Variants in ADK observed in about 807,000 individuals in gnomAD.
ADK encodes the protein N6,N6-dimethyladenosine kinase.
Under a neutral mutation model 44.7 loss-of-function variants are expected in ADK, and 24 were observed. The observed-to-expected ratio is 0.54, with a 90% CI of 0.39 to 0.76. The LOEUF (loss-of-function observed/expected upper bound fraction) is 0.76, where lower values mean the gene tolerates loss of function less well. ADK is among the 30% of genes least tolerant of loss of function. The pLI, the probability that ADK is intolerant of heterozygous loss-of-function variation, is 0.00. For synonymous variants in ADK, 128 were observed against 142.6 expected, an observed-to-expected ratio of 0.90 and a Z score of 0.73; for missense variants, 321 against 425.1, an observed-to-expected ratio of 0.76 and a Z score of 2.15.
intron 7 of ADK, among the ~76,000 whole-genome samples, chr10:74,531,109 A>G (rs764041082): frequency 2.0e-5 from 3 of 152,208 alleles, no homozygotes; most frequent in Non-Finnish European, 4.4e-5. Context: ...CTGAGTATGA[A>G]TCAGTGCATT....
chr10:74,205,692 A>AAG (rs1843569300), intron 2 of ADK, among the ~76,000 whole-genome samples: 1 of 151,518 alleles, frequency 6.6e-6, no homozygotes, highest in African/African-American at 2.4e-5. Context: ...AAAAAAAAAA[A>AAG]AAAGAAATGT....
intron 7 of ADK, among the ~76,000 whole-genome samples, chr10:74,547,720 G>A (rs1213965762): frequency 2.0e-5 from 3 of 151,862 alleles, no homozygotes; most frequent in South Asian, 2.1e-4. Context: ...GTGCAATAGC[G>A]CCATCTTGGC....
rs1851866592 is a variant in ADK, at chr10:74,595,333, G to A, written c.763-5046G>A. 2.0e-5 allele frequency among the ~76,000 whole-genome samples: 3 copies of A among 148,830 alleles called. No homozygotes were observed. In the South Asian group the frequency reaches 6.5e-4, roughly 32 times the overall value. ...CACATTCTAACATGTTGGAAGAGGA[G>A]ATTAGATTTCAAAATGACTTTGAGA... On this transcript the variant is annotated intron_variant, in intron 8 of 10. Transcript: ENST00000539909.
chr10:74,478,515 A>G (rs540055587), intron 6 of ADK, among the ~76,000 whole-genome samples: 20 of 152,300 alleles, frequency 1.3e-4, no homozygotes, highest in African/African-American at 4.8e-4. Context: ...GAGTGACCAC[A>G]CCCAGCAATT....
At chr10:74,344,190 C>T (rs149364534) in intron 4 of ADK, among the ~76,000 whole-genome samples, 1 of 152,208 alleles carries the variant, frequency 6.6e-6, no homozygotes, top group African/African-American at 2.4e-5. Context: ...ATACTGGCCT[C>T]ATAACATGAA....
chr10:74,375,513 G>T (rs1402671884), intron 4 of ADK, among the ~76,000 whole-genome samples: 2 of 152,246 alleles, frequency 1.3e-5, no homozygotes, highest in East Asian at 3.9e-4. Flanking sequence ...ATTGTCATTT[G>T]ATTTACCTGT....
rs1388906798 is a variant in ADK, at chr10:74,519,933, G to C, written c.556-5323G>C. 9.2e-5 allele frequency among the ~76,000 whole-genome samples: 14 copies of C among 151,840 alleles called. No individual in the cohort carries two copies. In the East Asian group the frequency reaches 2.7e-3, roughly 29 times the overall value. On this transcript the variant is annotated intron_variant, in intron 6 of 10. Coordinates refer to ENST00000539909, the MANE Select transcript of ADK (RefSeq NM_006721.4). ...TTACTTTTACTATAGCAAATATTTA[G>C]ATAATACTTCCTCTGTAAGCTTCAA... is the stretch of plus-strand genomic sequence containing the variant.
intron 1 of ADK, among the ~76,000 whole-genome samples, chr10:74,196,897 A>G (rs1358360157): frequency 6.6e-6 from 1 of 152,194 alleles, no homozygotes. Context: ...TAGGTGGTCC[A>G]ACAACTTCAT....
intron 9 of ADK, among the ~76,000 whole-genome samples, chr10:74,647,033 T>A (rs1299002722): frequency 6.6e-6 from 1 of 152,186 alleles, no homozygotes; most frequent in African/African-American, 2.4e-5. Context: ...TTAAAAGGTA[T>A]TAAATTGTAT....
intron 6 of ADK, among the ~76,000 whole-genome samples, chr10:74,416,498 A>G (rs186611134): frequency 6.6e-6 from 1 of 152,054 alleles, no homozygotes; most frequent in East Asian, 1.9e-4. Flanking sequence ...GCTGCTTTTT[A>G]AAAATTTATT....
At chr10:74,294,367 A>G (rs1448683972) in intron 3 of ADK, among the ~76,000 whole-genome samples, 2 of 150,860 alleles carry the variant, frequency 1.3e-5, no homozygotes, top group Non-Finnish European at 3.0e-5. Context: ...GCTCATTGCA[A>G]CCTCCACCTC....
At chr10:74,357,486 A>G (rs997731047) in intron 4 of ADK, among the ~76,000 whole-genome samples, 1 of 143,934 alleles carries the variant, frequency 6.9e-6, no homozygotes, top group Non-Finnish European at 1.5e-5. Context: ...TTTTTTTAAG[A>G]GACAGGGTTT....
At chr10:74,341,405 A>G (rs562305580) in intron 4 of ADK, among the ~76,000 whole-genome samples, 9 of 151,674 alleles carry the variant, frequency 5.9e-5, no homozygotes, top group Middle Eastern at 3.4e-3. Context: ...GGGTGCCTGT[A>G]ATCCTAGCTA....
intron 9 of ADK, among the ~76,000 whole-genome samples, chr10:74,612,009 T>C (rs959042046): frequency 2.0e-5 from 3 of 152,204 alleles, no homozygotes; most frequent in Non-Finnish European, 4.4e-5. Context: ...GGTTGTTGGA[T>C]TGAATGGTAA....
chr10:74,608,243 A>G (rs1019074178), intron 9 of ADK, among the ~76,000 whole-genome samples: 12 of 151,780 alleles, frequency 7.9e-5, no homozygotes, highest in Non-Finnish European at 7.4e-5. Context: ...CAATTTGTCA[A>G]ACTAGTTCTC....
intron 9 of ADK, among the ~76,000 whole-genome samples, chr10:74,651,224 T>A (rs1207824330): frequency 6.6e-6 from 1 of 152,124 alleles, no homozygotes; most frequent in African/African-American, 2.4e-5. Context: ...ATTTTTTTTT[T>A]AATAGGCTTG....
At chr10:74,476,901 T>C (rs961571890) in intron 6 of ADK, among the ~76,000 whole-genome samples, 1 of 152,234 alleles carries the variant, frequency 6.6e-6, no homozygotes, top group Non-Finnish European at 1.5e-5. Context: ...ATATGTAGAC[T>C]AGTGGTTCTG....
intron 1 of ADK, among the ~76,000 whole-genome samples, chr10:74,175,813 A>G (rs1260190951): frequency 6.6e-6 from 1 of 152,216 alleles, no homozygotes; most frequent in Non-Finnish European, 1.5e-5. Context: ...GAATAAAGGA[A>G]TAAAAGCAAT....
chr10:74,631,424 T>TG (rs201373080), intron 9 of ADK, among the ~76,000 whole-genome samples: 2 of 134,336 alleles, frequency 1.5e-5, no homozygotes, highest in South Asian at 2.3e-4. Flanking sequence ...TTTTGTTTTG[T>TG]TTTTTTTTTT....
Sources: allele counts gnomAD v4.1 joint callset (sites outside exome capture counted in the v4.1 genomes callset), GRCh38; gene constraint gnomAD v4.1.1; transcripts MANE v1.5; gene names NCBI Gene and HGNC (gene_info 2026-07-23, HGNC 2026-07-21).